Variants in KLHDC4 observed in about 807,000 individuals in gnomAD.
The protein encoded by KLHDC4 is kelch domain-containing protein 4.
Under a neutral mutation model 62.4 loss-of-function variants are expected in KLHDC4, and 90 were observed. The ratio of observed to expected loss-of-function variants is 1.44; its 90% CI spans 1.22 to 1.72. KLHDC4 has a LOEUF of 1.72. Ranked by LOEUF, KLHDC4 falls within the 40% of genes most tolerant of loss-of-function variation. The pLI is 0.00. For synonymous variants in KLHDC4, 386 were observed against 284.4 expected, an observed-to-expected ratio of 1.36 and a Z score of -3.59; for missense variants, 1,025 against 699.7, an observed-to-expected ratio of 1.47 and a Z score of -5.25.
chr16:87,704,464 G>C (rs1381966674), downstream of KLHDC4, among the ~76,000 whole-genome samples: 3 of 89,014 alleles, frequency 3.4e-5, no homozygotes, highest in African/African-American at 1.1e-4. Flanking sequence ...TCCTGAACAT[G>C]ACAGGGAAGG....
chr16:87,757,922 G>T lies in KLHDC4; in HGVS notation c.192-1445C>A, dbSNP rs117717802. On this transcript the variant is annotated intron_variant, in intron 2 of 11. Coordinates refer to ENST00000270583, the MANE Select transcript of KLHDC4 (RefSeq NM_017566.4). ...CAAAAAATAAATAAATAAATACATA[G>T]GGCCACTTCAGTTGAAAGTAATGAA... Among the ~76,000 whole-genome samples the T allele has an allele frequency of 6.8e-3, 1,041 of 152,100 alleles. 8 individuals carry two copies. Among genetic ancestry groups the T allele is most frequent in the Middle Eastern group, 0.024 (7 of 294 alleles).
At chr16:87,726,703 A>ACCCCGCGCCTCGCCCGTCTCCCCG (rs2039409250) in intron 7 of KLHDC4, 62 bp downstream of exon 7, 1 of 800,756 alleles carries the variant, frequency 1.2e-6, no homozygotes, top group Admixed American at 5.6e-5. Flanking sequence ...CCGTCTCCCC[A>ACCCCGCGCCTCGCCCGTCTCCCCG]CCCCGCGCCT....
chr16:87,712,733 G>A (rs2036149310), intron 8 of KLHDC4, among the ~76,000 whole-genome samples: 1 of 152,254 alleles, frequency 6.6e-6, no homozygotes, highest in South Asian at 2.1e-4. Context: ...TATTTCTGAG[G>A]CCTCAGCATG....
At chr16:87,722,762 G>A (rs532516758) in intron 7 of KLHDC4, among the ~76,000 whole-genome samples, 52 of 152,366 alleles carry the variant, frequency 3.4e-4, no homozygotes, top group African/African-American at 1.2e-3. Flanking sequence ...CATCTCTGCA[G>A]GTCACTCCAG....
At chr16:87,747,866 C>T (rs1264087571) in intron 5 of KLHDC4, among the ~76,000 whole-genome samples, 1 of 152,182 alleles carries the variant, frequency 6.6e-6, no homozygotes, top group East Asian at 1.9e-4. Flanking sequence ...CGGCTGAAGC[C>T]CCAGGATGTG....
intron 5 of KLHDC4, chr16:87,742,858 C>G (rs918213290): frequency 1.3e-5 from 2 of 152,246 alleles, no homozygotes; most frequent in Admixed American, 6.5e-5. Context: ...ACGAGTTGCC[C>G]TAACGCCTTC....
chr16:87,714,253 A>T (rs1201830934), intron 8 of KLHDC4, among the ~76,000 whole-genome samples: 1 of 152,194 alleles, frequency 6.6e-6, no homozygotes, highest in African/African-American at 2.4e-5. Flanking sequence ...TCTGCAGGGT[A>T]ACAGCGCCCG....
chr16:87,712,169 T>C, intron 8 of KLHDC4, among the ~76,000 whole-genome samples: 1 of 152,136 alleles, frequency 6.6e-6, no homozygotes, highest in Non-Finnish European at 1.5e-5. Flanking sequence ...TGTTCTCTCT[T>C]GGCACGCGCC....
chr16:87,765,781 G>C lies in KLHDC4; in HGVS notation c.99+11C>G, dbSNP rs1485579221. 2 of 1,568,678 alleles carry C rather than the reference G, an allele frequency of 1.3e-6. No homozygotes were observed. The highest frequency in any genetic ancestry group is 1.3e-5 in the African/African-American group (1 of 74,172). On this transcript the variant is annotated intron_variant, in intron 1 of 11. Coordinates refer to ENST00000270583, the MANE Select transcript of KLHDC4 (RefSeq NM_017566.4). ...GACGTCGGGCCGCTAAGCCCGGTCTGACCCGCTCACCTCCTCCTTCCGCGA... is the reference window on the plus strand; with the variant it reads ...GACGTCGGGCCGCTAAGCCCGGTCTCACCCGCTCACCTCCTCCTTCCGCGA...
chr16:87,736,884 G>T (rs946059976), intron 5 of KLHDC4, among the ~76,000 whole-genome samples: 2 of 151,990 alleles, frequency 1.3e-5, no homozygotes, highest in Admixed American at 6.6e-5. Flanking sequence ...CAGTACTTTG[G>T]GAGGCCGAGG....
chr16:87,698,756 C>CCGGA, exon 1 of KLHDC4: 1 of 152,188 alleles, frequency 6.6e-6, no homozygotes, highest in Middle Eastern at 3.2e-3. Flanking sequence ...TCCCGCCTGT[C>CCGGA]CGGAGCCTCG....
chr16:87,764,696 G>A (rs1224482871), intron 1 of KLHDC4, among the ~76,000 whole-genome samples: 5 of 144,982 alleles, frequency 3.4e-5, no homozygotes, highest in Admixed American at 2.8e-4. Context: ...GCTAACAGCT[G>A]GTTACTGAGT....
rs7201273 is a variant in KLHDC4, at chr16:87,702,358, C to T, written c.157G>A (p.Ala53Thr). ...AGAGAGGAAGATGGGTGTGAGGGTG[C>T]AGGGGCAGGGGGGCGGGCCCTGCAG... Residue 53 changes from alanine to threonine, a missense_variant, in exon 1 of 1, where the codon GCA (alanine) becomes ACA (threonine). Transcript: ENST00000446344. The T allele has an allele frequency of 1.4e-3, 610 of 443,772 alleles. 4 individuals carry two copies. The highest frequency in any genetic ancestry group is 0.012 in the African/African-American group (576 of 49,926). The allele number at this position is 443,772 out of a possible 1,614,324, so 27.5% of individuals were successfully genotyped here.
chr16:87,702,827 C>G (rs115113434), downstream of KLHDC4, among the ~76,000 whole-genome samples: 832 of 152,318 alleles, frequency 5.5e-3, 4 homozygotes, highest in African/African-American at 0.02. Flanking sequence ...TGTACAATCA[C>G]GCCGTGCAAT....
At chr16:87,731,337 G>C (rs1403702759) in intron 5 of KLHDC4, among the ~76,000 whole-genome samples, 1 of 151,864 alleles carries the variant, frequency 6.6e-6, no homozygotes, top group Non-Finnish European at 1.5e-5. Context: ...CTCCCAAAGT[G>C]CTGAGATTAC....
chr16:87,703,605 C>T (rs954661545), downstream of KLHDC4, among the ~76,000 whole-genome samples: 2 of 152,266 alleles, frequency 1.3e-5, no homozygotes, highest in Non-Finnish European at 2.9e-5. Flanking sequence ...CTGCGCTTCT[C>T]ACCCCTCAGT....
At chr16:87,751,670 AC>A (rs1370649108) in intron 4 of KLHDC4, among the ~76,000 whole-genome samples, 1 of 151,922 alleles carries the variant, frequency 6.6e-6, no homozygotes, top group East Asian at 1.9e-4. Flanking sequence ...TGTAACCCCA[AC>A]ACTGTGGGAG....
intron 6 of KLHDC4, among the ~76,000 whole-genome samples, chr16:87,728,250 G>A (rs551921995): frequency 1.3e-5 from 2 of 152,284 alleles, no homozygotes; most frequent in African/African-American, 4.8e-5. Context: ...CACATCCTTC[G>A]CAGGACGATG....
chr16:87,761,019 T>C (rs2045809209), intron 2 of KLHDC4, among the ~76,000 whole-genome samples: 1 of 151,558 alleles, frequency 6.6e-6, no homozygotes, highest in Non-Finnish European at 1.5e-5. Context: ...GATGACAGAG[T>C]GAGACTCCAT....
Sources: gnomAD v4.1 joint callset for allele counts (sites outside exome capture counted in the v4.1 genomes callset) on GRCh38, gnomAD v4.1.1 for gene constraint, MANE v1.5 for transcripts, NCBI Gene and HGNC (gene_info 2026-07-23, HGNC 2026-07-21) for gene names.